DPH6: variants seen among roughly 807,000 people sequenced by gnomAD.
DPH6 encodes diphthamine biosynthesis 6, also known as diphthine--ammonia ligase.
Under a neutral mutation model 38.2 loss-of-function variants are expected in DPH6, and 33 were observed. The observed-to-expected ratio is 0.86, with a 90% CI of 0.65 to 1.15. DPH6 has a LOEUF of 1.15. Among genes scored for constraint, DPH6 ranks in the 50% most tolerant of loss-of-function variants. The pLI is 0.00. For synonymous variants in DPH6, 108 were observed against 103.0 expected (o/e 1.05, Z -0.30); for missense variants, 325 against 320.0 (o/e 1.02, Z -0.12).
intron 5 of DPH6, among the ~76,000 whole-genome samples, chr15:35,433,460 A>C (rs944397999): frequency 6.6e-6 from 1 of 152,176 alleles, no homozygotes; most frequent in African/African-American, 2.4e-5. Context: ...GAAACTGCAG[A>C]GTTATAGTAA....
downstream of DPH6, among the ~76,000 whole-genome samples, chr15:35,369,684 A>G (rs1469226712): frequency 1.3e-5 from 2 of 151,678 alleles, no homozygotes. Context: ...ATATTAAGCT[A>G]TAACAATGAA....
chr15:35,441,130 G>T (rs1158439215), intron 5 of DPH6, among the ~76,000 whole-genome samples: 1 of 152,188 alleles, frequency 6.6e-6, no homozygotes. Flanking sequence ...ATGCCAGTTA[G>T]AATGGTGATC....
intron 3 of DPH6, among the ~76,000 whole-genome samples, chr15:35,246,211 C>T (rs900313051): frequency 4.6e-5 from 7 of 152,208 alleles, no homozygotes; most frequent in African/African-American, 1.7e-4. Context: ...AGCTTTACTG[C>T]TCACACAAAG....
At position 35,357,328 on chromosome 15, in the gene DPH6, G is replaced by A. The variant is rs370294515; in HGVS notation, n.207+16193C>T. 7.9e-4 allele frequency among the ~76,000 whole-genome samples: 120 copies of A among 152,280 alleles called. 1 individual carries two copies. Among genetic ancestry groups the A allele is most frequent in the African/African-American group, 2.7e-3 (113 of 41,566 alleles). ...CGACACTCCCCAGTGAGATGAACCC[G>A]GTATCTCAGTTGGAAATGCAGAAAT... is the stretch of plus-strand genomic sequence containing the variant. On this transcript the variant is annotated intron_variant and non_coding_transcript_variant, in intron 3 of 3. Transcript: ENST00000558973.
At chr15:35,270,199 T>C (rs1432870794) in intron 3 of DPH6, among the ~76,000 whole-genome samples, 5 of 152,198 alleles carry the variant, frequency 3.3e-5, no homozygotes, top group African/African-American at 1.2e-4. Flanking sequence ...GAATGGTATC[T>C]ATTGGCACCA....
chr15:35,264,102 T>C (rs2051767741), intron 3 of DPH6, among the ~76,000 whole-genome samples: 1 of 152,010 alleles, frequency 6.6e-6, no homozygotes, highest in Admixed American at 6.5e-5. Context: ...CCTTGTTTTT[T>C]TTTTTAATTC....
chr15:35,290,597 T>C (rs998287216), intron 3 of DPH6, among the ~76,000 whole-genome samples: 4 of 152,190 alleles, frequency 2.6e-5, no homozygotes, highest in African/African-American at 9.7e-5. Flanking sequence ...TTTGTGGCAG[T>C]GTATAATGTG....
At chr15:35,333,302 A>C (rs2052341865) in intron 3 of DPH6, among the ~76,000 whole-genome samples, 1 of 152,202 alleles carries the variant, frequency 6.6e-6, no homozygotes. Flanking sequence ...GGTATCTTGC[A>C]ATCATGCAAA....
intron 3 of DPH6, among the ~76,000 whole-genome samples, chr15:35,363,621 A>G (rs1338690552): frequency 6.6e-6 from 1 of 152,084 alleles, no homozygotes; most frequent in African/African-American, 2.4e-5. Flanking sequence ...TAATGTAATT[A>G]TTGATATATT....
intron 3 of DPH6, among the ~76,000 whole-genome samples, chr15:35,531,030 T>C (rs1473718081): frequency 6.6e-6 from 1 of 152,190 alleles, no homozygotes; most frequent in Non-Finnish European, 1.5e-5. Context: ...GAGCAATTTG[T>C]ACAGGGCTGT....
At chr15:35,538,165 T>C in intron 3 of DPH6, 109 bp downstream of exon 3, 3 of 958,338 alleles carry the variant, frequency 3.1e-6, no homozygotes, top group Non-Finnish European at 4.3e-6. Flanking sequence ...TTTTAAAGAA[T>C]AGTTGGGCTA....
intron 3 of DPH6, among the ~76,000 whole-genome samples, chr15:35,226,129 T>A (rs2051479000): frequency 6.6e-6 from 1 of 150,968 alleles, no homozygotes; most frequent in South Asian, 2.1e-4. Context: ...TCACAAAAAA[T>A]AAATAAATAA....
At chr15:35,330,891 T>C (rs940409620) in exon 4 of DPH6, 2 of 152,168 alleles carry the variant, frequency 1.3e-5, no homozygotes, top group African/African-American at 4.8e-5. Context: ...TGTTAATTTA[T>C]TTTCTGTTTT....
chr15:35,372,106 T>C lies in DPH6; in HGVS notation c.*44A>G. The C allele has an allele frequency of 6.7e-7, 1 of 1,487,806 alleles. No individual in the cohort carries two copies. Among genetic ancestry groups the C allele is most frequent in the Non-Finnish European group, 8.9e-7 (1 of 1,124,130 alleles). The allele number at this position is 1,487,806 out of a possible 1,614,324, so 92.2% of individuals were successfully genotyped here. A position where few individuals can be genotyped will look rare whatever the true frequency, so the allele number is the denominator to read the frequency against. ...CTGAGAAAATACTATGCAATTTTTTTGTATAGAAATGGTGGTTTAATGAAC... is the reference window on the plus strand; with the variant it reads ...CTGAGAAAATACTATGCAATTTTTTCGTATAGAAATGGTGGTTTAATGAAC... On this transcript the variant is annotated 3_prime_UTR_variant, in exon 9 of 9. Coordinates refer to ENST00000256538, the MANE Select transcript of DPH6 (RefSeq NM_080650.4).
chr15:35,454,020 C>A (rs1292434973), intron 4 of DPH6, among the ~76,000 whole-genome samples: 1 of 151,914 alleles, frequency 6.6e-6, no homozygotes, highest in Non-Finnish European at 1.5e-5. Flanking sequence ...TGCCCAGAAT[C>A]TCTATAAAAT....
intron 3 of DPH6, chr15:35,298,392 C>A: frequency 1.4e-6 from 1 of 715,594 alleles, no homozygotes; most frequent in Non-Finnish European, 2.6e-6. Context: ...TAAAAATATC[C>A]GTACTGCTTC....
chr15:35,228,498 A>T (rs2051497384), intron 3 of DPH6, among the ~76,000 whole-genome samples: 1 of 152,078 alleles, frequency 6.6e-6, no homozygotes, highest in Non-Finnish European at 1.5e-5. Context: ...GCACAATTTC[A>T]GCTCACCATA....
chr15:35,285,686 ATTAC>A (rs1038476930), intron 3 of DPH6, among the ~76,000 whole-genome samples: 17 of 152,064 alleles, frequency 1.1e-4, no homozygotes, highest in African/African-American at 4.1e-4. Context: ...AAATTAAGTA[ATTAC>A]TTAATCTATT....
chr15:35,388,789 C>T (rs147450047), intron 6 of DPH6, among the ~76,000 whole-genome samples: 29 of 152,238 alleles, frequency 1.9e-4, no homozygotes, highest in Middle Eastern at 3.4e-3. Context: ...TTTCAAAAAA[C>T]CAGCTCCTGG....
Sources: gnomAD v4.1 joint callset for allele counts (sites outside exome capture counted in the v4.1 genomes callset) on GRCh38, gnomAD v4.1.1 for gene constraint, MANE v1.5 for transcripts, NCBI Gene and HGNC (gene_info 2026-07-23, HGNC 2026-07-21) for gene names.